OSBPL3: variants seen among roughly 807,000 people sequenced by gnomAD.
The protein encoded by OSBPL3 is oxysterol binding protein like 3.
A neutral mutation model predicts 120.1 loss-of-function variants in OSBPL3; 65 were observed. That is an observed-to-expected ratio of 0.54 (90% CI 0.44 to 0.67). The LOEUF (loss-of-function observed/expected upper bound fraction) is 0.67. OSBPL3 is among the 30% of genes least tolerant of loss of function. OSBPL3 has a pLI of 0.00. For synonymous variants in OSBPL3, 416 were observed against 402.6 expected, an observed-to-expected ratio of 1.03 and a Z score of -0.40; for missense variants, 1,004 against 1,082.1, an observed-to-expected ratio of 0.93 and a Z score of 1.01.
chr7:24,871,023 C>T lies in OSBPL3; in HGVS notation c.268-178G>A, dbSNP rs1315296384. Among the ~76,000 whole-genome samples the T allele has an allele frequency of 7.2e-5, 11 of 152,140 alleles. No individual in the cohort carries two copies. Among genetic ancestry groups the T allele is most frequent in the African/African-American group, 7.2e-5 (3 of 41,424 alleles). On this transcript the variant is annotated intron_variant, in intron 4 of 22. Coordinates refer to ENST00000313367, the MANE Select transcript of OSBPL3 (RefSeq NM_015550.4). This position sits in a 1 kb window ranked among gnomAD's most constrained non-coding sequence, Gnocchi z 4.8. The stretch of plus-strand genomic sequence containing the variant: ...GACATGCACTGTCTTCCTGAATCTC[C>T]GAGGTAGGAAGTACTCTCCCCATTT...
At position 24,797,433 on chromosome 7, in the gene OSBPL3, C is replaced by G. The variant is rs548901738; in HGVS notation, c.*2750G>C. On this transcript the variant is annotated 3_prime_UTR_variant, in exon 23 of 23. Coordinates refer to ENST00000313367, the MANE Select transcript of OSBPL3 (RefSeq NM_015550.4). The surrounding 1 kb of genome is among the most constrained non-coding windows in gnomAD (Gnocchi z 4.8). Reference sequence around the variant, plus strand: ...GAACTCCCATCTCTTTAGTTAGGACCAGAATCCACCTGGCTTGTAGGAGAG... The same window carrying G: ...GAACTCCCATCTCTTTAGTTAGGACGAGAATCCACCTGGCTTGTAGGAGAG... The G allele has an allele frequency of 6.6e-6, 1 of 152,280 alleles. No individual in the cohort carries two copies. Among genetic ancestry groups the G allele is most frequent in the African/African-American group, 2.4e-5 (1 of 41,548 alleles). The allele number at this position is 152,280 out of a possible 1,614,324, so 9.4% of individuals were successfully genotyped here.
chr7:24,837,611 ATAC>A (rs1373607305), intron 14 of OSBPL3, among the ~76,000 whole-genome samples: 1 of 152,214 alleles, frequency 6.6e-6, no homozygotes, highest in Non-Finnish European at 1.5e-5. Flanking sequence ...ATCACCACCA[ATAC>A]TACTAACAGC....
At chr7:24,935,957 T>C (rs958105088) in intron 1 of OSBPL3, among the ~76,000 whole-genome samples, 2 of 152,126 alleles carry the variant, frequency 1.3e-5, no homozygotes, top group African/African-American at 4.8e-5. Flanking sequence ...TATGTATACA[T>C]GTGCCATGCT....
rs1793307198 is a variant in OSBPL3, at chr7:24,808,203, G to T, written c.2318-1301C>A. ...GGCGTGAGCCACCATGCCCGACTGGGACCCATTTTTTGAATCTTCATAAGT... is the reference window on the plus strand; with the variant it reads ...GGCGTGAGCCACCATGCCCGACTGGTACCCATTTTTTGAATCTTCATAAGT... On this transcript the variant is annotated intron_variant, in intron 20 of 22. Coordinates refer to ENST00000313367, the MANE Select transcript of OSBPL3 (RefSeq NM_015550.4). The surrounding 1 kb of genome is among the most constrained non-coding windows in gnomAD (Gnocchi z 4.6). Among the ~76,000 whole-genome samples the T allele has an allele frequency of 6.6e-6, 1 of 152,098 alleles. No individual in the cohort carries two copies. Among genetic ancestry groups the T allele is most frequent in the Non-Finnish European group, 1.5e-5 (1 of 68,024 alleles).
At position 24,937,067 on chromosome 7, in the gene OSBPL3, T is replaced by C. The variant is rs962944012; in HGVS notation, c.-150+42819A>G. 6.6e-6 allele frequency among the ~76,000 whole-genome samples: 1 copy of C among 152,196 alleles called. No individual in the cohort carries two copies. The highest frequency in any genetic ancestry group is 6.5e-5 in the Admixed American group (1 of 15,290). On this transcript the variant is annotated intron_variant, in intron 1 of 22. Coordinates refer to ENST00000313367, the MANE Select transcript of OSBPL3 (RefSeq NM_015550.4). The surrounding 1 kb of genome is among the most constrained non-coding windows in gnomAD (Gnocchi z 4.0). ...GGTTTAATTGACTCACAGTTCAGCA[T>C]GGCTGGGGAAGCCTCAGGAAACTTA...
In OSBPL3 at chr7:24,951,983, C is replaced by T. The variant is rs193125773; in HGVS notation, c.-150+27903G>A. Among the ~76,000 whole-genome samples the T allele has an allele frequency of 7.7e-3, 1,171 of 152,178 alleles. 11 individuals carry two copies. Among genetic ancestry groups the T allele is most frequent in the South Asian group, 0.029 (138 of 4,816 alleles). ...CCAACATGAATGAGACTGTAGAGAG[C>T]TCTAGTACTGTTGACAGCAACACTT... On this transcript the variant is annotated intron_variant, in intron 1 of 22. Transcript: ENST00000313367.
intron 2 of OSBPL3, among the ~76,000 whole-genome samples, chr7:24,874,223 C>T (rs1802551326): frequency 6.6e-6 from 1 of 152,026 alleles, no homozygotes; most frequent in South Asian, 2.1e-4. Context: ...TACAATGCAC[C>T]CACAATTGTG....
rs1791998453 is a variant in OSBPL3, at chr7:24,798,965, C to T, written c.*1218G>A. The T allele has an allele frequency of 6.6e-6, 1 of 152,498 alleles. No individual in the cohort carries two copies. The highest frequency in any genetic ancestry group is 1.5e-5 in the Non-Finnish European group (1 of 68,038). The allele number at this position is 152,498 out of a possible 1,614,324, so 9.4% of individuals were successfully genotyped here. A position where few individuals can be genotyped will look rare whatever the true frequency, so the allele number is the denominator to read the frequency against. On this transcript the variant is annotated 3_prime_UTR_variant, in exon 23 of 23. Transcript: ENST00000313367. This position sits in a 1 kb window ranked among gnomAD's most constrained non-coding sequence, Gnocchi z 4.6. ...ACACATTTAAAAAGACGAAGGTTCCCCTTTCAGTAGTTATAATCTGTATTA... is the reference window on the plus strand; with the variant it reads ...ACACATTTAAAAAGACGAAGGTTCCTCTTTCAGTAGTTATAATCTGTATTA...
chr7:24,974,827 G>A (rs1329400677), intron 1 of OSBPL3, among the ~76,000 whole-genome samples: 2 of 152,214 alleles, frequency 1.3e-5, no homozygotes, highest in Non-Finnish European at 2.9e-5. Context: ...AAATTAGTGG[G>A]TGGGGATTAG....
rs539132532 is a variant in OSBPL3 at position 24,833,650 on chromosome 7, G to T, written c.1746+836C>A. ...CAGGAGAGAGACTCTGCATCTGGGG[G>T]ACACTGCTGTCCCAGCATCCCATAG... On this transcript the variant is annotated intron_variant, in intron 15 of 22. Coordinates refer to ENST00000313367, the MANE Select transcript of OSBPL3 (RefSeq NM_015550.4). The surrounding 1 kb of genome is among the most constrained non-coding windows in gnomAD (Gnocchi z 4.4). Among the ~76,000 whole-genome samples, 2 of 152,310 alleles carry T rather than the reference G, an allele frequency of 1.3e-5. No homozygotes were observed. Among genetic ancestry groups the T allele is most frequent in the East Asian group, 1.9e-4 (1 of 5,174 alleles).
At position 24,842,360 on chromosome 7, in the gene OSBPL3, A is replaced by G. The variant is rs1562809452; in HGVS notation, c.1320T>C (p.Ser440=). 1.2e-6 allele frequency: 2 copies of G among 1,612,394 alleles called. No individual in the cohort carries two copies. Among genetic ancestry groups the G allele is most frequent in the Non-Finnish European group, 8.5e-7 (1 of 1,178,862 alleles). Residue 440 remains serine, a synonymous_variant, in exon 13 of 23, where the codon AGT becomes AGC. Coordinates refer to ENST00000313367, the MANE Select transcript of OSBPL3 (RefSeq NM_015550.4). ...AAAGGGAGTCAGTGATGGAGAGTCTACTTTCATTAGAAAGCTGATGAACTA... is the reference window on the plus strand; with the variant it reads ...AAAGGGAGTCAGTGATGGAGAGTCTGCTTTCATTAGAAAGCTGATGAACTA... The part of the protein sequence containing the change: ...RALVHQLSNE[S]RLSITDSLSE...
At chr7:24,828,521 T>A (rs1398674049) in intron 16 of OSBPL3, among the ~76,000 whole-genome samples, 1 of 144,550 alleles carries the variant, frequency 6.9e-6, no homozygotes, top group Non-Finnish European at 1.5e-5. Context: ...GGTGCGAGGA[T>A]CACTTGAACT....
chr7:24,917,318 G>A (rs73076231), intron 1 of OSBPL3, among the ~76,000 whole-genome samples: 2,566 of 149,276 alleles, frequency 0.017, 95 homozygotes, highest in East Asian at 0.15. Context: ...TACAGACTGC[G>A]CAATACAAGT....
At chr7:24,904,297 G>C (rs1384492374) in intron 1 of OSBPL3, among the ~76,000 whole-genome samples, 1 of 152,194 alleles carries the variant, frequency 6.6e-6, no homozygotes, top group Non-Finnish European at 1.5e-5. Flanking sequence ...ATGTTAAAAT[G>C]TAACTGTCAA....
chr7:24,849,141 T>C lies in OSBPL3; in HGVS notation c.1194A>G (p.Leu398=). 1 of 1,614,040 alleles carries C rather than the reference T, an allele frequency of 6.2e-7. No individual in the cohort carries two copies. The highest frequency in any genetic ancestry group is 1.1e-5 in the South Asian group (1 of 91,074). The change falls in exon 12 of 23, where the codon TTA becomes TTG. Residue 398 remains leucine, a synonymous_variant. Transcript: ENST00000313367. This position sits in a 1 kb window ranked among gnomAD's most constrained non-coding sequence, Gnocchi z 5.4. ...LAQNTDLKER[L]RRIHAESLLL... Reference sequence around the variant, plus strand: ...GCAGAGACTCGGCATGGATTCTGCGTAAGCGTTCTTTAAGATCTGTGTTTT... The same window carrying C: ...GCAGAGACTCGGCATGGATTCTGCGCAAGCGTTCTTTAAGATCTGTGTTTT...
chr7:24,961,644 TG>T (rs1815752047), intron 1 of OSBPL3, among the ~76,000 whole-genome samples: 1 of 152,174 alleles, frequency 6.6e-6, no homozygotes, highest in Non-Finnish European at 1.5e-5. Context: ...GCTGGTGCCT[TG>T]ATATTGGACT....
chr7:24,970,615 G>A (rs983810929), intron 1 of OSBPL3, among the ~76,000 whole-genome samples: 1 of 148,434 alleles, frequency 6.7e-6, no homozygotes, highest in African/African-American at 2.5e-5. Flanking sequence ...GAGAGAAGGA[G>A]GAGTGCTATA....
Position 24,834,514 on chromosome 7 carries a change from G to A in OSBPL3, c.1718C>T (p.Ala573Val), listed in dbSNP as rs767955948. Residue 573 changes from alanine (A) to valine (V), a missense_variant, in exon 15 of 23, where the codon GCG (alanine) becomes GTG (valine). This residue lies in a region of OSBPL3 where 473 missense variants were observed against 568.0 expected (regional missense o/e 0.83). Transcript: ENST00000313367. The surrounding 1 kb of genome is among the most constrained non-coding windows in gnomAD (Gnocchi z 5.2). ...LEYSELLDKA[A>V]QIPSPLERMV... ...CCTTTCCAGGGGGCTGGGAATCTGC[G>A]CGGCCTTGTCCAGGAGCTCGCTGTA... The A allele has an allele frequency of 1.5e-5, 25 of 1,613,190 alleles. No homozygotes were observed. The highest frequency in any genetic ancestry group is 1.8e-5 in the Non-Finnish European group (21 of 1,179,544).
In OSBPL3 at chr7:24,979,687, C is replaced by T. The variant is rs535340016; in HGVS notation, c.-150+199G>A. Among the ~76,000 whole-genome samples, 18 of 152,292 alleles carry T rather than the reference C, an allele frequency of 1.2e-4. 1 individual carries two copies. The South Asian group carries it at 3.3e-3, about 28-fold the overall frequency. On this transcript the variant is annotated intron_variant, in intron 1 of 22. Coordinates refer to ENST00000313367, the MANE Select transcript of OSBPL3 (RefSeq NM_015550.4). ...TGGGGTGGGTGAGACCCGGGTCCTC[C>T]TTCCCCGGGAGCTGCAGCCGGCACC...
Sources: allele counts gnomAD v4.1 joint callset (sites outside exome capture counted in the v4.1 genomes callset), GRCh38; gene constraint gnomAD v4.1.1; regional missense constraint gnomAD v4.1.1; non-coding constraint Gnocchi (gnomAD v3.1); transcripts MANE v1.5; gene names NCBI Gene and HGNC (gene_info 2026-07-23, HGNC 2026-07-21).